Variants in PDE8B observed in about 807,000 individuals in gnomAD.
The protein encoded by PDE8B is high affinity cAMP-specific and IBMX-insensitive 3',5'-cyclic phosphodiesterase 8B.
Under a neutral mutation model 101.3 loss-of-function variants are expected in PDE8B, and 26 were observed. That is an observed-to-expected ratio of 0.26 (90% CI 0.19 to 0.36). PDE8B has a LOEUF of 0.36. Among genes scored for constraint, PDE8B ranks in the 10% least tolerant of loss-of-function variants. PDE8B has a pLI of 1.00. For synonymous variants in PDE8B, 424 were observed against 429.3 expected (o/e 0.99, Z 0.15); for missense variants, 810 against 1,163.1 (o/e 0.70, Z 4.42).
intron 10 of PDE8B, among the ~76,000 whole-genome samples, chr5:77,355,741 A>G (rs1781990030): frequency 6.6e-6 from 1 of 152,224 alleles, no homozygotes; most frequent in Admixed American, 6.5e-5. Flanking sequence ...ATCTGCCCCC[A>G]ATGTCAGGGA....
At chr5:77,125,429 A>G in the PDE8B span, among the ~76,000 whole-genome samples, 6,861 of 152,314 alleles carry the variant, frequency 0.045, 553 homozygotes, top group African/African-American at 0.15. Context: ...TAAACAGAGA[A>G]TTACCATATG....
At chr5:77,349,206 T>C (rs1241771128) in intron 7 of PDE8B, among the ~76,000 whole-genome samples, 1 of 152,150 alleles carries the variant, frequency 6.6e-6, no homozygotes. Context: ...AATAAATTGC[T>C]GCCAGGAAGG....
chr5:77,220,584 T>C (rs1449409011), intron 1 of PDE8B, among the ~76,000 whole-genome samples: 1 of 152,234 alleles, frequency 6.6e-6, no homozygotes, highest in Non-Finnish European at 1.5e-5. Flanking sequence ...GACTTTCATA[T>C]AGAAACATGT....
At chr5:77,345,921 C>A (rs6894516) in intron 7 of PDE8B, among the ~76,000 whole-genome samples, 235 of 152,270 alleles carry the variant, frequency 1.5e-3, no homozygotes, top group African/African-American at 5.2e-3. Flanking sequence ...ACCTTGTTCT[C>A]ATACCAGACC....
At chr5:77,419,019 A>G (rs1796119095) in intron 18 of PDE8B, among the ~76,000 whole-genome samples, 1 of 152,242 alleles carries the variant, frequency 6.6e-6, no homozygotes, top group Non-Finnish European at 1.5e-5. Flanking sequence ...TACAGAGAAC[A>G]TGGAGCTCAC....
chr5:77,262,206 G>A (rs1351362943), intron 1 of PDE8B, among the ~76,000 whole-genome samples: 3 of 151,864 alleles, frequency 2.0e-5, no homozygotes, highest in African/African-American at 7.3e-5. Context: ...AAAAAAACAG[G>A]GCAAAAAGGC....
At chr5:77,203,040 T>C in the PDE8B span, among the ~76,000 whole-genome samples, 8 of 152,246 alleles carry the variant, frequency 5.3e-5, no homozygotes, top group African/African-American at 1.4e-4. Context: ...TGATTTCTAA[T>C]GACTAGAATT....
chr5:77,255,980 C>T (rs75240948), intron 1 of PDE8B, among the ~76,000 whole-genome samples: 1 of 152,238 alleles, frequency 6.6e-6, no homozygotes, highest in African/African-American at 2.4e-5. Context: ...GTGTAGTGTG[C>T]CCTGGCTGTA....
chr5:77,332,948 T>C (rs571960736), intron 5 of PDE8B, among the ~76,000 whole-genome samples: 1 of 152,014 alleles, frequency 6.6e-6, no homozygotes, highest in South Asian at 2.1e-4. Flanking sequence ...CTCTGTGTGC[T>C]TTAAGTAATG....
chr5:77,406,866 A>C (rs1285034431), intron 12 of PDE8B, among the ~76,000 whole-genome samples: 1 of 152,256 alleles, frequency 6.6e-6, no homozygotes. Flanking sequence ...CTGGGAGTTA[A>C]GAGCCTAAAG....
At chr5:77,376,795 C>T (rs139198655) in intron 10 of PDE8B, among the ~76,000 whole-genome samples, 359 of 152,212 alleles carry the variant, frequency 2.4e-3, no homozygotes, top group African/African-American at 6.5e-3. Context: ...AAGCTCTGGG[C>T]CTGAGGATCA....
At chr5:77,223,810 C>A (rs1580408189) in intron 1 of PDE8B, among the ~76,000 whole-genome samples, 1 of 152,202 alleles carries the variant, frequency 6.6e-6, no homozygotes, top group African/African-American at 2.4e-5. Context: ...ATAGCAGTGG[C>A]CCCTGCTAAG....
At chr5:77,384,386 G>A (rs529508999) in intron 10 of PDE8B, among the ~76,000 whole-genome samples, 3 of 152,224 alleles carry the variant, frequency 2.0e-5, no homozygotes, top group South Asian at 4.1e-4. Flanking sequence ...GGGCTGAGAC[G>A]ATGGGTTTTC....
At chr5:77,373,709 C>T (rs1004389092) in intron 10 of PDE8B, among the ~76,000 whole-genome samples, 5 of 152,136 alleles carry the variant, frequency 3.3e-5, no homozygotes, top group African/African-American at 1.2e-4. Flanking sequence ...ATATAATTTA[C>T]GTACCATACA....
chr5:77,408,939 T>C lies in PDE8B; in HGVS notation c.1412T>C (p.Val471Ala), dbSNP rs1794023997. 3 of 1,613,470 alleles carry C rather than the reference T, an allele frequency of 1.9e-6. No individual in the cohort carries two copies. Among genetic ancestry groups the C allele is most frequent in the Admixed American group, 1.7e-5 (1 of 60,020 alleles). ...GCCCAAGAAAACAGCCCAGTCACAG[T>C]AGCGGAAGCCTTGGACAGAGTTCTA... ...NAAQENSPVTVAEALDRVLEI... is the reference protein window; with the variant it reads ...NAAQENSPVTAAEALDRVLEI... The change falls in exon 14 of 22, where the codon GTA (valine) becomes GCA (alanine). Residue 471 changes from valine (V) to alanine (A), a missense_variant. Around this residue, in one of 4 missense-constraint regions of PDE8B, gnomAD observed 325 missense variants for 560.9 expected, o/e 0.58. Transcript: ENST00000264917.
chr5:77,411,622 G>A (rs1467335786), intron 14 of PDE8B, 54 bp from the exon 15 acceptor site: 10 of 1,347,232 alleles, frequency 7.4e-6, no homozygotes, highest in Non-Finnish European at 9.5e-6. Context: ...AAAAAAAAAA[G>A]AGAATGATAA....
the PDE8B span, among the ~76,000 whole-genome samples, chr5:77,132,010 T>A: frequency 1.3e-5 from 2 of 152,184 alleles, no homozygotes; most frequent in South Asian, 2.1e-4. Context: ...ATAATTATTT[T>A]GATGCCTACA....
intron 9 of PDE8B, 51 bp downstream of exon 9, chr5:77,351,204 C>G: frequency 7.4e-7 from 1 of 1,349,278 alleles, no homozygotes; most frequent in Non-Finnish European, 1.1e-6. Flanking sequence ...ACTCAAGGCC[C>G]TCATGGGCAT....
the PDE8B span, among the ~76,000 whole-genome samples, chr5:77,170,931 T>G: frequency 6.6e-6 from 1 of 152,176 alleles, no homozygotes; most frequent in Non-Finnish European, 1.5e-5. Context: ...CAATAGTCCA[T>G]CAGGGTAAAC....
Sources: gnomAD v4.1 joint callset for allele counts (sites outside exome capture counted in the v4.1 genomes callset) on GRCh38, gnomAD v4.1.1 for gene constraint, gnomAD v4.1.1 regional missense constraint, MANE v1.5 for transcripts, NCBI Gene and HGNC (gene_info 2026-07-23, HGNC 2026-07-21) for gene names.